NUP98: variants seen among roughly 807,000 people sequenced by gnomAD.
NUP98 encodes the protein nuclear pore complex protein Nup98-Nup96.
A neutral mutation model predicts 191.9 loss-of-function variants in NUP98; 26 were observed. That is an observed-to-expected ratio of 0.14 (90% CI 0.10 to 0.19). NUP98 has a LOEUF of 0.19. Ranked by LOEUF, NUP98 falls within the 10% of genes least tolerant of loss-of-function variation. The probability of loss-of-function intolerance (pLI) is 1.00; values close to 1 mark genes in which losing one functional copy is unlikely to be tolerated. For missense variants in NUP98, 1,941 were observed against 2,178.8 expected (o/e 0.89, Z 2.17); for synonymous variants, 808 against 778.4 (o/e 1.04, Z -0.63).
In NUP98 at chr11:3,790,139, G is replaced by A. The variant is rs115869821; in HGVS notation, c.-29+7261C>T. Among the ~76,000 whole-genome samples the A allele has an allele frequency of 5.8e-3, 885 of 152,246 alleles. 13 individuals carry two copies. The highest frequency in any genetic ancestry group is 0.02 in the African/African-American group (848 of 41,552). On this transcript the variant is annotated intron_variant, in intron 1 of 32. Coordinates refer to ENST00000324932, the MANE Select transcript of NUP98 (RefSeq NM_016320.5). ...AATACTAGTAAGCTCTGTGTCAAAC[G>A]AAGTAAAATTAAAGATGTGAAGTGA...
chr11:3,763,189 C>T, intron 8 of NUP98, 150 bp from the exon 9 acceptor site: 1 of 714,862 alleles, frequency 1.4e-6, no homozygotes, highest in East Asian at 2.9e-5. Flanking sequence ...TTCAAAACAA[C>T]CCTGAAAAGC....
intron 22 of NUP98, among the ~76,000 whole-genome samples, chr11:3,703,969 T>C (rs1009363084): frequency 6.6e-6 from 1 of 152,204 alleles, no homozygotes; most frequent in Non-Finnish European, 1.5e-5. Flanking sequence ...ATTATAGGCA[T>C]GAGCCACTGT....
At chr11:3,781,839 GAAGA>G (rs1052228009) in intron 2 of NUP98, among the ~76,000 whole-genome samples, 199 bp downstream of exon 2, 1 of 152,016 alleles carries the variant, frequency 6.6e-6, no homozygotes, top group Non-Finnish European at 1.5e-5. Flanking sequence ...CTGACAATCA[GAAGA>G]AGGCCATGAA....
In NUP98 at chr11:3,787,114, G is replaced by C. The variant is rs16929765; in HGVS notation, c.-28-4969C>G. On this transcript the variant is annotated intron_variant, in intron 1 of 32. Coordinates refer to ENST00000324932, the MANE Select transcript of NUP98 (RefSeq NM_016320.5). ...AAACTGAATGAAAATTTTTGCCCTA[G>C]ATAAGAAAAGAGGGCTGGGAAACGA... is the stretch of plus-strand genomic sequence containing the variant. Among the ~76,000 whole-genome samples, 992 of 152,262 alleles carry C rather than the reference G, an allele frequency of 6.5e-3. 16 individuals carry two copies. The highest frequency in any genetic ancestry group is 0.025 in the East Asian group (130 of 5,186).
At chr11:3,780,523 C>CAGAGCGAG (rs2081927463) in intron 2 of NUP98, among the ~76,000 whole-genome samples, 1 of 111,488 alleles carries the variant, frequency 9.0e-6, no homozygotes, top group Non-Finnish European at 1.7e-5. Flanking sequence ...TCCTGGGTGA[C>CAGAGCGAG]AGAGCGAGAC....
chr11:3,743,495 A>C (rs2080364845), intron 12 of NUP98, among the ~76,000 whole-genome samples: 1 of 148,490 alleles, frequency 6.7e-6, no homozygotes. Context: ...AAATACAAAA[A>C]AATTAGCTGG....
At chr11:3,721,383 C>A (rs1428419322) in intron 16 of NUP98, among the ~76,000 whole-genome samples, 1 of 152,048 alleles carries the variant, frequency 6.6e-6, no homozygotes, top group Non-Finnish European at 1.5e-5. Flanking sequence ...TTTACACTCC[C>A]AAATAAAGAG....
At chr11:3,774,082 C>T (rs2081619388) in intron 5 of NUP98, among the ~76,000 whole-genome samples, 1 of 152,230 alleles carries the variant, frequency 6.6e-6, no homozygotes. Flanking sequence ...CTCCTTTCTA[C>T]TCCGCCCTGT....
Position 3,744,363 on chromosome 11 carries a change from A to G in NUP98, c.1408+146T>C, listed in dbSNP as rs998524671. 4 of 735,020 alleles carry G rather than the reference A, an allele frequency of 5.4e-6. No homozygotes were observed. The Admixed American group carries it at 1.1e-4, about 19-fold the overall frequency. The allele number at this position is 735,020 out of a possible 1,614,324, so 45.5% of individuals were successfully genotyped here. A position where few individuals can be genotyped will look rare whatever the true frequency, so the allele number is the denominator to read the frequency against. ...AAGCAGAGTAGGCCAGGATCTATTA[A>G]TAAGCCCTTCTTTACTACCCAATTG... On this transcript the variant is annotated intron_variant, in intron 12 of 32. Coordinates refer to ENST00000324932, the MANE Select transcript of NUP98 (RefSeq NM_016320.5).
At chr11:3,722,098 T>C (rs1451953118) in intron 16 of NUP98, among the ~76,000 whole-genome samples, 5 of 148,808 alleles carry the variant, frequency 3.4e-5, no homozygotes, top group African/African-American at 1.2e-4. Context: ...ATTAAGCACC[T>C]GGAATTCTTT....
chr11:3,733,333 C>T (rs1206412542), intron 13 of NUP98, among the ~76,000 whole-genome samples: 15 of 152,144 alleles, frequency 9.9e-5, no homozygotes, highest in African/African-American at 3.4e-4. Context: ...TGTTTTGAGA[C>T]GGAGTTTCGC....
At chr11:3,713,234 C>G (rs2079073671) in intron 19 of NUP98, among the ~76,000 whole-genome samples, 1 of 152,082 alleles carries the variant, frequency 6.6e-6, no homozygotes, top group Non-Finnish European at 1.5e-5. Flanking sequence ...TACTGAAGTC[C>G]CTAATGATGA....
At chr11:3,688,424 T>A (rs1247253015) in intron 28 of NUP98, among the ~76,000 whole-genome samples, 1 of 150,198 alleles carries the variant, frequency 6.7e-6, no homozygotes, top group Non-Finnish European at 1.5e-5. Context: ...ATAATAATAA[T>A]AAAATAAATA....
In NUP98 at chr11:3,758,791, GAGAGACAGAGAC is replaced by G. The variant is rs368477387; in HGVS notation, c.1174+1736_1174+1747del. ...GAGGGGAGAGAGACAGAGAGAGACA[GAGAGACAGAGAC>G]AGAGACAGAGAGAGACAGACACCAA... On this transcript the variant is annotated intron_variant, in intron 10 of 32. Transcript: ENST00000324932. 4.2e-4 allele frequency among the ~76,000 whole-genome samples: 64 copies of G among 151,120 alleles called. No individual in the cohort carries two copies. In the South Asian group the frequency reaches 0.011, roughly 27 times the overall value.
chr11:3,688,820 C>CATATATATATATATATAT lies in NUP98; in HGVS notation c.4454+2509_4454+2526dup, dbSNP rs71041372. Among the ~76,000 whole-genome samples the CATATATATATATATATAT allele has an allele frequency of 7.6e-4, 104 of 136,242 alleles. 1 individual carries two copies. The highest frequency in any genetic ancestry group is 1.8e-3 in the Admixed American group (24 of 13,570). 89.4% of individuals were successfully genotyped at this position (136,242 alleles called of 152,430 possible). A position where few individuals can be genotyped will look rare whatever the true frequency, so the allele number is the denominator to read the frequency against. ...AAATATATATATGTATTTAAATATA[C>CATATATATATATATATAT]ATATATATATATATATATATATTTA... is the stretch of plus-strand genomic sequence containing the variant. On this transcript the variant is annotated intron_variant, in intron 28 of 32. Coordinates refer to ENST00000324932, the MANE Select transcript of NUP98 (RefSeq NM_016320.5).
At chr11:3,706,177 CA>C (rs1325010097) in intron 21 of NUP98, among the ~76,000 whole-genome samples, 1 of 151,672 alleles carries the variant, frequency 6.6e-6, no homozygotes, top group Admixed American at 6.6e-5. Context: ...GCCTCAAAAA[CA>C]AAACACAACA....
chr11:3,723,187 C>G lies in NUP98; in HGVS notation c.2116G>C (p.Glu706Gln). The stretch of plus-strand genomic sequence containing the variant: ...GGGTGCATATGGTAAGAATTATTTT[C>G]TATTTCTTCTCGGTCATCCTGAAGT... The part of the protein sequence containing the change: ...ESLQDDREEI[E>Q]NNSYHMHPAG... The change falls in exon 16 of 33, where the codon GAA becomes CAA. Residue 706 changes from glutamate to glutamine, a missense_variant. Transcript: ENST00000324932. 6.2e-7 allele frequency: 1 copy of G among 1,614,104 alleles called. No individual in the cohort carries two copies. The highest frequency in any genetic ancestry group is 8.5e-7 in the Non-Finnish European group (1 of 1,180,000).
At chr11:3,778,062 G>A (rs1167018034) in intron 4 of NUP98, among the ~76,000 whole-genome samples, 2 of 151,846 alleles carry the variant, frequency 1.3e-5, no homozygotes, top group Non-Finnish European at 2.9e-5. Flanking sequence ...AGCCGGGCAT[G>A]GTGGCAGGCG....
chr11:3,764,892 T>G (rs976691823), intron 8 of NUP98, among the ~76,000 whole-genome samples: 23 of 152,226 alleles, frequency 1.5e-4, no homozygotes, highest in African/African-American at 5.3e-4. Context: ...AGTCTTTTTT[T>G]ATTGTATCTT....
Sources: allele counts gnomAD v4.1 joint callset (sites outside exome capture counted in the v4.1 genomes callset), GRCh38; gene constraint gnomAD v4.1.1; transcripts MANE v1.5; gene names NCBI Gene and HGNC (gene_info 2026-07-23, HGNC 2026-07-21).